CEP57L1: variants seen among roughly 807,000 people sequenced by gnomAD.
CEP57L1 encodes the protein centrosomal protein CEP57L1.
Under a neutral mutation model 61.0 loss-of-function variants are expected in CEP57L1, and 37 were observed. The observed-to-expected ratio is 0.61, with a 90% CI of 0.47 to 0.80. CEP57L1 has a LOEUF of 0.80. Among genes scored for constraint, CEP57L1 ranks in the 30% least tolerant of loss-of-function variants. The pLI is 0.00. For synonymous variants in CEP57L1, 137 were observed against 162.3 expected (o/e 0.84, Z 1.19); for missense variants, 422 against 524.7 (o/e 0.80, Z 1.91).
rs557482687 is a variant in CEP57L1, at chr6:109,173,070, G to A, written c.*10100G>A. 6.6e-6 allele frequency among the ~76,000 whole-genome samples: 1 copy of A among 152,262 alleles called. No homozygotes were observed. Among genetic ancestry groups the A allele is most frequent in the East Asian group, 1.9e-4 (1 of 5,184 alleles). ...AAAAGTGATTTGTTAATTATTGCCT[G>A]GTAGGAAGGAGAACATGTTTTTTTT... On this transcript the variant is annotated 3_prime_UTR_variant, in exon 11 of 11. Coordinates refer to ENST00000517392, the MANE Select transcript of CEP57L1 (RefSeq NM_001271852.3).
intron 1 of CEP57L1, chr6:109,124,987 A>AT (rs1450569624): frequency 6.6e-6 from 1 of 152,172 alleles, no homozygotes; most frequent in Non-Finnish European, 1.5e-5. Context: ...CTTATTTGCT[A>AT]TAGGTTGGGA....
intron 1 of CEP57L1, among the ~76,000 whole-genome samples, chr6:109,142,334 C>T (rs1176637694): frequency 6.6e-6 from 1 of 152,110 alleles, no homozygotes; most frequent in Non-Finnish European, 1.5e-5. Context: ...AGCTGGAAGC[C>T]ATCATCCTTG....
At chr6:109,123,673 A>C (rs1351516936) in intron 1 of CEP57L1, among the ~76,000 whole-genome samples, 1 of 152,062 alleles carries the variant, frequency 6.6e-6, no homozygotes, top group Non-Finnish European at 1.5e-5. Context: ...CCCTGTCACG[A>C]GTTTTCCTTG....
At chr6:109,115,691 G>A (rs1018129124) in intron 1 of CEP57L1, among the ~76,000 whole-genome samples, 4 of 152,248 alleles carry the variant, frequency 2.6e-5, no homozygotes, top group African/African-American at 9.6e-5. Flanking sequence ...AGGGTCCACA[G>A]TTAGAGTCCG....
rs926613450 is a variant in CEP57L1, at chr6:109,173,930, C to A, written c.*10960C>A. ...CCTCCAACATGGTGAAACCCCGTCTCTACTAAAAAAAAAAAAAAAATTAGC... is the reference window on the plus strand; with the variant it reads ...CCTCCAACATGGTGAAACCCCGTCTATACTAAAAAAAAAAAAAAAATTAGC... On this transcript the variant is annotated 3_prime_UTR_variant, in exon 11 of 11. Transcript: ENST00000517392. 7.0e-6 allele frequency among the ~76,000 whole-genome samples: 1 copy of A among 142,650 alleles called. No homozygotes were observed. The highest frequency in any genetic ancestry group is 1.5e-5 in the Non-Finnish European group (1 of 66,220). The allele number at this position is 142,650 out of a possible 152,430, so 93.6% of individuals were successfully genotyped here.
intron 1 of CEP57L1, among the ~76,000 whole-genome samples, chr6:109,101,166 T>C (rs1216654558): frequency 1.3e-5 from 2 of 152,210 alleles, no homozygotes; most frequent in African/African-American, 4.8e-5. Context: ...ATAGATGTTA[T>C]GGAATTTAGA....
intron 1 of CEP57L1, among the ~76,000 whole-genome samples, chr6:109,119,889 G>C (rs1425696491): frequency 1.3e-5 from 2 of 152,134 alleles, no homozygotes; most frequent in African/African-American, 2.4e-5. Flanking sequence ...AGAAACACTG[G>C]ATATAATGTA....
At position 109,168,326 on chromosome 6, in the gene CEP57L1, T is replaced by A. The variant is rs932358464; in HGVS notation, c.*5356T>A. Among the ~76,000 whole-genome samples, 3 of 152,030 alleles carry A rather than the reference T, an allele frequency of 2.0e-5. No individual in the cohort carries two copies. Among genetic ancestry groups the A allele is most frequent in the African/African-American group, 7.2e-5 (3 of 41,396 alleles). Reference sequence around the variant, plus strand: ...AGTGGGTATGAAACAATGAAGTAAATGGAGAAGTGGGGGAAAATCAAGCAA... The same window carrying A: ...AGTGGGTATGAAACAATGAAGTAAAAGGAGAAGTGGGGGAAAATCAAGCAA... On this transcript the variant is annotated 3_prime_UTR_variant, in exon 11 of 11. Transcript: ENST00000517392.
chr6:109,149,659 G>A (rs1340474957), intron 3 of CEP57L1, among the ~76,000 whole-genome samples: 4 of 152,070 alleles, frequency 2.6e-5, no homozygotes, highest in African/African-American at 4.8e-5. Context: ...TGTGAAGAAA[G>A]TCATTGGTAG....
At chr6:109,148,961 G>C (rs139545852) in intron 3 of CEP57L1, among the ~76,000 whole-genome samples, 5 of 152,012 alleles carry the variant, frequency 3.3e-5, no homozygotes, top group Admixed American at 6.6e-5. Context: ...CTTGTTGATG[G>C]GGCTGTTTGT....
intron 10 of CEP57L1, among the ~76,000 whole-genome samples, chr6:109,161,012 A>T (rs1202201459): frequency 1.3e-5 from 2 of 152,182 alleles, no homozygotes. Context: ...GCAGCCCTCC[A>T]GTTACCCTTT....
rs2114995550 is a variant in CEP57L1, at chr6:109,171,453, C to T, written c.*8483C>T. ...AGAAACGGGGTTTCACCGTGTTAGC[C>T]AGGCTGGTCTCGAACTCCTGACCTT... On this transcript the variant is annotated 3_prime_UTR_variant, in exon 11 of 11. Coordinates refer to ENST00000517392, the MANE Select transcript of CEP57L1 (RefSeq NM_001271852.3). Among the ~76,000 whole-genome samples, 1 of 152,028 alleles carries T rather than the reference C, an allele frequency of 6.6e-6. No homozygotes were observed. The highest frequency in any genetic ancestry group is 1.5e-5 in the Non-Finnish European group (1 of 68,008).
chr6:109,162,222 TAC>T (rs1424150794), intron 10 of CEP57L1, among the ~76,000 whole-genome samples: 4 of 152,188 alleles, frequency 2.6e-5, no homozygotes, highest in African/African-American at 9.6e-5. Context: ...CACATATATA[TAC>T]ATATACACAT....
rs1360636924 is a variant in CEP57L1, at chr6:109,163,975, A to G, written c.*1005A>G. 1.3e-5 allele frequency: 2 copies of G among 152,204 alleles called. No homozygotes were observed. The highest frequency in any genetic ancestry group is 4.8e-5 in the African/African-American group (2 of 41,454). The allele number at this position is 152,204 out of a possible 1,614,324, so 9.4% of individuals were successfully genotyped here. A position where few individuals can be genotyped will look rare whatever the true frequency, so the allele number is the denominator to read the frequency against. On this transcript the variant is annotated 3_prime_UTR_variant, in exon 11 of 11. Coordinates refer to ENST00000517392, the MANE Select transcript of CEP57L1 (RefSeq NM_001271852.3). Reference sequence around the variant, plus strand: ...TTTCTCACTCAAATCCTCTGAGGCAACTGGGGAACTAGAGTCATGAACTGA... The same window carrying G: ...TTTCTCACTCAAATCCTCTGAGGCAGCTGGGGAACTAGAGTCATGAACTGA...
intron 3 of CEP57L1, among the ~76,000 whole-genome samples, chr6:109,148,642 G>A (rs1375571292): frequency 6.6e-6 from 1 of 152,128 alleles, no homozygotes; most frequent in African/African-American, 2.4e-5. Flanking sequence ...CCAGTAATGG[G>A]ATGGCTGGGT....
chr6:109,135,809 A>G (rs911227001), intron 1 of CEP57L1, among the ~76,000 whole-genome samples: 12 of 152,260 alleles, frequency 7.9e-5, no homozygotes, highest in African/African-American at 2.2e-4. Flanking sequence ...CAGACACATG[A>G]AAAACTGCTC....
intron 9 of CEP57L1, among the ~76,000 whole-genome samples, chr6:109,160,254 C>T (rs75432264): frequency 0.013 from 1,995 of 152,226 alleles, 42 homozygotes; most frequent in African/African-American, 0.044. Context: ...ATATCAATAA[C>T]GAGGAAGAAA....
intron 1 of CEP57L1, among the ~76,000 whole-genome samples, chr6:109,133,815 A>G (rs1419492045): frequency 6.6e-6 from 1 of 152,262 alleles, no homozygotes; most frequent in African/African-American, 2.4e-5. Context: ...AATCTAGAAG[A>G]AACGGACAAA....
At chr6:109,107,095 A>G (rs980775026) in intron 1 of CEP57L1, among the ~76,000 whole-genome samples, 1 of 152,236 alleles carries the variant, frequency 6.6e-6, no homozygotes, top group African/African-American at 2.4e-5. Flanking sequence ...TACTTAAGCA[A>G]TTATCAAAAC....
Sources: gnomAD v4.1 joint callset for allele counts (sites outside exome capture counted in the v4.1 genomes callset) on GRCh38, gnomAD v4.1.1 for gene constraint, MANE v1.5 for transcripts, NCBI Gene and HGNC (gene_info 2026-07-23, HGNC 2026-07-21) for gene names.